TTC12: variants seen among roughly 807,000 people sequenced by gnomAD.
TTC12 encodes the protein tetratricopeptide repeat domain 12.
A neutral mutation model predicts 90.1 loss-of-function variants in TTC12; 70 were observed. The observed-to-expected ratio is 0.78, with a 90% CI of 0.64 to 0.95. TTC12 has a LOEUF of 0.95. TTC12 is among the 40% of genes least tolerant of loss of function. The pLI, the probability that TTC12 is intolerant of heterozygous loss-of-function variation, is 0.00. For synonymous variants in TTC12, 296 were observed against 311.5 expected (o/e 0.95, Z 0.53); for missense variants, 819 against 846.1 (o/e 0.97, Z 0.40).
chr11:113,317,738 C>T (rs1316716373), intron 2 of TTC12, among the ~76,000 whole-genome samples: 2 of 152,170 alleles, frequency 1.3e-5, no homozygotes, highest in East Asian at 1.9e-4. Flanking sequence ...TGATACTTCG[C>T]CACACATACT....
At chr11:113,317,809 TA>T (rs67208734) in intron 2 of TTC12, among the ~76,000 whole-genome samples, 1 of 145,052 alleles carries the variant, frequency 6.9e-6, no homozygotes, top group Non-Finnish European at 1.5e-5. Flanking sequence ...TCTTTTTTTT[TA>T]ACCTGGCTAA....
chr11:113,371,941 C>T (rs1950397171), intron 21 of TTC12, among the ~76,000 whole-genome samples: 1 of 152,164 alleles, frequency 6.6e-6, no homozygotes, highest in South Asian at 2.1e-4. Flanking sequence ...AGGAGATGGG[C>T]ACTCCTGTTG....
intron 16 of TTC12, among the ~76,000 whole-genome samples, chr11:113,354,485 T>A (rs1949507031): frequency 1.3e-5 from 2 of 152,198 alleles, no homozygotes; most frequent in Admixed American, 6.5e-5. Context: ...TGGCCAGGAC[T>A]TCTAATGCTA....
chr11:113,320,630 C>T (rs537594153), intron 2 of TTC12, among the ~76,000 whole-genome samples: 286 of 152,302 alleles, frequency 1.9e-3, no homozygotes, highest in Middle Eastern at 0.01. Context: ...GGCAAGAGCT[C>T]GGGATACAAA....
At chr11:113,321,489 A>G (rs1591516193) in intron 2 of TTC12, among the ~76,000 whole-genome samples, 1 of 152,256 alleles carries the variant, frequency 6.6e-6, no homozygotes, top group East Asian at 1.9e-4. Context: ...ATGTGTATCA[A>G]GAACACATCT....
Position 113,329,999 on chromosome 11 carries a change from C to A in TTC12, c.504+20C>A. 2 of 1,597,908 alleles carry A rather than the reference C, an allele frequency of 1.3e-6. No individual in the cohort carries two copies. Among genetic ancestry groups the A allele is most frequent in the Non-Finnish European group, 1.7e-6 (2 of 1,165,242 alleles). ...CTCAAGGTAAGAGGGTATTTCTTTT[C>A]CCACATGATAGTGTTGGGCTGAAGT... On this transcript the variant is annotated intron_variant, in intron 7 of 21. Coordinates refer to ENST00000529221, the MANE Select transcript of TTC12 (RefSeq NM_017868.4).
chr11:113,358,868 G>A (rs1555153528), intron 16 of TTC12, among the ~76,000 whole-genome samples: 1 of 152,096 alleles, frequency 6.6e-6, no homozygotes, highest in East Asian at 1.9e-4. Flanking sequence ...TGGGGACCAA[G>A]AACAAGCCTT....
chr11:113,324,765 G>A lies in TTC12; in HGVS notation c.322+83G>A, dbSNP rs1947581422. The A allele has an allele frequency of 9.6e-6, 12 of 1,247,408 alleles. No individual in the cohort carries two copies. The Admixed American group carries it at 2.2e-4, about 23-fold the overall frequency. The allele number at this position is 1,247,408 out of a possible 1,614,324, so 77.3% of individuals were successfully genotyped here. On this transcript the variant is annotated intron_variant, in intron 5 of 21. Coordinates refer to ENST00000529221, the MANE Select transcript of TTC12 (RefSeq NM_017868.4). ...CGAAGGCCTGTATGCTGACATTTGA[G>A]GACATCTAGATTCCCAGTGGTGAGG...
chr11:113,371,855 T>C (rs1455689422), intron 21 of TTC12, among the ~76,000 whole-genome samples: 1 of 152,214 alleles, frequency 6.6e-6, no homozygotes, highest in African/African-American at 2.4e-5. Flanking sequence ...TACCCACTTC[T>C]TAGGTTTGTT....
chr11:113,339,190 T>C, intron 9 of TTC12, 96 bp from the exon 10 acceptor site: 1 of 1,009,582 alleles, frequency 9.9e-7, no homozygotes, highest in Non-Finnish European at 1.4e-6. Context: ...CTTCTCAAAC[T>C]CCCATCCTCA....
At chr11:113,366,529 C>G (rs1299415414), downstream of TTC12, 2 of 661,310 alleles carry the variant, frequency 3.0e-6, no homozygotes, top group South Asian at 4.9e-5. Context: ...TTTGAATGTT[C>G]TTTCCTGTTC....
At chr11:113,329,308 A>G (rs149007746) in intron 6 of TTC12, among the ~76,000 whole-genome samples, 87 of 152,262 alleles carry the variant, frequency 5.7e-4, no homozygotes, top group African/African-American at 2.0e-3. Flanking sequence ...GTTTTTCTGG[A>G]ACATTCACAG....
chr11:113,322,785 G>T (rs1194858082), intron 2 of TTC12, among the ~76,000 whole-genome samples: 1 of 152,138 alleles, frequency 6.6e-6, no homozygotes, highest in African/African-American at 2.4e-5. Context: ...AGGGAGTTGA[G>T]TATATGGGCA....
intron 10 of TTC12, among the ~76,000 whole-genome samples, chr11:113,339,872 C>T (rs187948769): frequency 3.9e-5 from 6 of 152,218 alleles, no homozygotes; most frequent in Middle Eastern, 6.8e-3. Context: ...TGCGCACACT[C>T]CACCCTCACA....
At chr11:113,345,279 A>G (rs1190800285) in intron 13 of TTC12, among the ~76,000 whole-genome samples, 1 of 152,162 alleles carries the variant, frequency 6.6e-6, no homozygotes, top group Admixed American at 6.5e-5. Flanking sequence ...GAGTTTTTTC[A>G]TTCACTGCTA....
At chr11:113,368,229 T>A, downstream of TTC12, 1 of 1,508,420 alleles carries the variant, frequency 6.6e-7, no homozygotes, top group Non-Finnish European at 8.9e-7. Flanking sequence ...GAAGAGAGTC[T>A]GCTGCACCTG....
chr11:113,370,061 G>A (rs1053553969), downstream of TTC12, among the ~76,000 whole-genome samples: 5 of 152,216 alleles, frequency 3.3e-5, no homozygotes, highest in Non-Finnish European at 5.9e-5. Context: ...GGGCCTGAGA[G>A]CACTGGTCTT....
At chr11:113,326,215 A>C (rs940443547) in intron 6 of TTC12, among the ~76,000 whole-genome samples, 1 of 152,212 alleles carries the variant, frequency 6.6e-6, no homozygotes, top group South Asian at 2.1e-4. Context: ...AAATGAGCTC[A>C]ATTTCCTGGA....
intron 14 of TTC12, among the ~76,000 whole-genome samples, chr11:113,350,846 C>T (rs782101181): frequency 6.6e-6 from 1 of 152,194 alleles, no homozygotes; most frequent in African/African-American, 2.4e-5. Context: ...TGTGGAGATG[C>T]GCATGCATCC....
Sources: allele counts gnomAD v4.1 joint callset (sites outside exome capture counted in the v4.1 genomes callset), GRCh38; gene constraint gnomAD v4.1.1; transcripts MANE v1.5; gene names NCBI Gene and HGNC (gene_info 2026-07-23, HGNC 2026-07-21).